Variants in CCDC171 observed in about 807,000 individuals in gnomAD.
The protein encoded by CCDC171 is coiled-coil domain containing 171, also known as coiled-coil domain-containing protein 171.
A neutral mutation model predicts 168.2 loss-of-function variants in CCDC171; 177 were observed. The ratio of observed to expected loss-of-function variants is 1.05; its 90% CI spans 0.93 to 1.19. CCDC171 has a LOEUF of 1.19. CCDC171 is among the 50% of genes most tolerant of loss of function. The pLI, the probability that CCDC171 is intolerant of heterozygous loss-of-function variation, is 0.00. For synonymous variants in CCDC171, 687 were observed against 540.8 expected (o/e 1.27, Z -3.75); for missense variants, 1,991 against 1,539.0 (o/e 1.29, Z -4.91).
chr9:15,838,724 G>A (rs1371571550), intron 21 of CCDC171, among the ~76,000 whole-genome samples: 3 of 152,146 alleles, frequency 2.0e-5, no homozygotes, highest in Admixed American at 6.5e-5. Flanking sequence ...TCACCACCAC[G>A]CCTGGCTGGA....
At chr9:15,812,425 C>G (rs1239207839) in intron 21 of CCDC171, among the ~76,000 whole-genome samples, 1 of 152,140 alleles carries the variant, frequency 6.6e-6, no homozygotes, top group Non-Finnish European at 1.5e-5. Context: ...TGAAAATCAA[C>G]TTTTTGAGTC....
intron 9 of CCDC171, among the ~76,000 whole-genome samples, chr9:15,677,375 A>T (rs1165821918): frequency 6.6e-6 from 1 of 152,112 alleles, no homozygotes; most frequent in Admixed American, 6.6e-5. Flanking sequence ...TAACACTAGA[A>T]TTGTCTGTGT....
intron 2 of CCDC171, among the ~76,000 whole-genome samples, chr9:15,564,815 A>G (rs76574139): frequency 0.015 from 2,214 of 152,360 alleles, 59 homozygotes; most frequent in African/African-American, 0.05. Context: ...CATGTAACAG[A>G]GTAATATTCT....
At chr9:16,033,936 G>T (rs1057019331) in intron 6 of CCDC171, among the ~76,000 whole-genome samples, 3 of 152,216 alleles carry the variant, frequency 2.0e-5, no homozygotes, top group Admixed American at 2.0e-4. Context: ...CTCAAGGGAG[G>T]AGGGGAGTGG....
At chr9:15,867,728 GC>G (rs33992575) in intron 23 of CCDC171, among the ~76,000 whole-genome samples, 117,654 of 151,972 alleles carry the variant, frequency 0.77, 46,496 homozygotes, top group East Asian at 0.89. Context: ...GCAGTTTTTA[GC>G]TTAAACACAT....
intron 7 of CCDC171, among the ~76,000 whole-genome samples, chr9:15,637,788 A>G (rs1349247888): frequency 6.6e-6 from 1 of 151,850 alleles, no homozygotes; most frequent in Non-Finnish European, 1.5e-5. Context: ...GTCCCTACAA[A>G]GGACATGAAC....
At chr9:15,907,489 C>G (rs1822866887) in intron 24 of CCDC171, among the ~76,000 whole-genome samples, 1 of 152,174 alleles carries the variant, frequency 6.6e-6, no homozygotes, top group Admixed American at 6.5e-5. Flanking sequence ...CTTCCTTACA[C>G]CTCATACAAA....
intron 6 of CCDC171, among the ~76,000 whole-genome samples, chr9:15,621,315 C>G (rs1459513380): frequency 6.6e-6 from 1 of 152,146 alleles, no homozygotes; most frequent in Non-Finnish European, 1.5e-5. Context: ...ATATATAATG[C>G]TATTGCACAC....
rs191369144 is a variant in CCDC171 at position 15,920,666 on chromosome 9, C to T, written c.3753+244C>T. ...AATGCTAAAACACTACATCAAGATT[C>T]CTTTGTGTTTGGCAGTGCAGCTGAC... On this transcript the variant is annotated intron_variant, in intron 25 of 25. Coordinates refer to ENST00000380701, the MANE Select transcript of CCDC171 (RefSeq NM_173550.4). 2.0e-5 allele frequency among the ~76,000 whole-genome samples: 3 copies of T among 151,696 alleles called. No individual in the cohort carries two copies. The Admixed American group carries it at 2.0e-4, about 10-fold the overall frequency.
chr9:15,983,967 C>A (rs1245392172), intron 3 of CCDC171, among the ~76,000 whole-genome samples: 2 of 151,988 alleles, frequency 1.3e-5, no homozygotes, highest in Non-Finnish European at 2.9e-5. Flanking sequence ...CCACCAGAAC[C>A]ATTGAGGCAG....
At chr9:15,947,490 A>G (rs1037652093) in intron 25 of CCDC171, among the ~76,000 whole-genome samples, 4 of 151,992 alleles carry the variant, frequency 2.6e-5, no homozygotes, top group African/African-American at 7.2e-5. Flanking sequence ...ACTTAGCATA[A>G]TGTCCTCAAG....
intron 22 of CCDC171, among the ~76,000 whole-genome samples, chr9:15,847,979 G>T (rs903522730): frequency 2.0e-4 from 30 of 152,008 alleles, no homozygotes; most frequent in Non-Finnish European, 3.1e-4. Flanking sequence ...TAAAATATAA[G>T]TTTGACTAAA....
At chr9:15,892,932 C>G (rs1475238812) in intron 24 of CCDC171, among the ~76,000 whole-genome samples, 1 of 152,116 alleles carries the variant, frequency 6.6e-6, no homozygotes, top group African/African-American at 2.4e-5. Context: ...TTAGAAAAAA[C>G]TATTTTAAAA....
intron 25 of CCDC171, among the ~76,000 whole-genome samples, chr9:15,956,056 A>T (rs1450401116): frequency 6.6e-6 from 1 of 152,214 alleles, no homozygotes; most frequent in Admixed American, 6.5e-5. Flanking sequence ...TTAGTAATTC[A>T]TTCAAGATCT....
At chr9:15,591,337 A>G (rs1564001183) in intron 4 of CCDC171, 29 bp from the exon 5 acceptor site, 8 of 1,400,404 alleles carry the variant, frequency 5.7e-6, no homozygotes, top group Non-Finnish European at 2.0e-6. Flanking sequence ...TCATGGTTGT[A>G]AATGTACCTA....
At chr9:15,640,611 T>G (rs1319566790) in intron 7 of CCDC171, among the ~76,000 whole-genome samples, 1 of 152,084 alleles carries the variant, frequency 6.6e-6, no homozygotes, top group Non-Finnish European at 1.5e-5. Context: ...GAAGTGACAT[T>G]AGAAATATAA....
chr9:15,626,541 C>G (rs904604201), intron 7 of CCDC171, among the ~76,000 whole-genome samples: 19 of 152,132 alleles, frequency 1.2e-4, no homozygotes, highest in Admixed American at 9.2e-4. Context: ...AGAATTTTGT[C>G]AAAGGCCTTT....
chr9:16,044,257 T>C (rs1433289608), intron 1 of CCDC171, among the ~76,000 whole-genome samples: 1 of 152,202 alleles, frequency 6.6e-6, no homozygotes, highest in Non-Finnish European at 1.5e-5. Context: ...TGTTCTAATC[T>C]CCAACTTCCT....
intron 1 of CCDC171, among the ~76,000 whole-genome samples, chr9:15,559,259 C>T (rs2039072040): frequency 6.6e-6 from 1 of 152,086 alleles, no homozygotes; most frequent in South Asian, 2.1e-4. Flanking sequence ...CTGCTTGGTG[C>T]AGAGCTGAGT....
Sources: allele counts gnomAD v4.1 joint callset (sites outside exome capture counted in the v4.1 genomes callset), GRCh38; gene constraint gnomAD v4.1.1; transcripts MANE v1.5; gene names NCBI Gene and HGNC (gene_info 2026-07-23, HGNC 2026-07-21).